PRR27: variants seen among roughly 807,000 people sequenced by gnomAD.
PRR27 encodes proline-rich protein 27.
In PRR27, 12 loss-of-function variants were observed where a neutral mutation model predicts 16.8. The observed-to-expected ratio is 0.71, with a 90% confidence interval of 0.46 to 1.16. The LOEUF (loss-of-function observed/expected upper bound fraction) is 1.16. PRR27 is among the 50% of genes most tolerant of loss of function. The pLI, the probability that PRR27 is intolerant of heterozygous loss-of-function variation, is 0.00. For synonymous variants in PRR27, 100 were observed against 98.4 expected (o/e 1.02, Z -0.10); for missense variants, 277 against 273.3 (o/e 1.01, Z -0.10).
rs768028029 is a variant in PRR27 at position 70,154,707 on chromosome 4, G to A, written c.51+281G>A. On this transcript the variant is annotated intron_variant, in intron 1 of 4. Coordinates refer to ENST00000344526, the MANE Select transcript of PRR27 (RefSeq NM_214711.4). Reference sequence around the variant, plus strand: ...AAATTATAGAAAAGCAGGATCCCACGTAGATTATCTTAACAGAGTTTATCT... The same window carrying A: ...AAATTATAGAAAAGCAGGATCCCACATAGATTATCTTAACAGAGTTTATCT... 3.7e-5 allele frequency: 50 copies of A among 1,352,584 alleles called. 1 individual carries two copies. The highest frequency in any genetic ancestry group is 8.6e-5 in the South Asian group (7 of 80,996). 83.8% of individuals were successfully genotyped at this position (1,352,584 alleles called of 1,614,324 possible). A position where few individuals can be genotyped will look rare whatever the true frequency, so the allele number is the denominator to read the frequency against.
intron 1 of PRR27, 116 bp from the exon 2 acceptor site, chr4:70,155,937 CA>C: frequency 1.9e-5 from 12 of 638,528 alleles, no homozygotes; most frequent in South Asian, 3.9e-5. Context: ...ACTCAAATTT[CA>C]AAAAAATTAA....
chr4:70,159,230 T>C (rs150517988), intron 3 of PRR27, among the ~76,000 whole-genome samples: 2,522 of 152,300 alleles, frequency 0.017, 61 homozygotes, highest in African/African-American at 0.05. Context: ...TTGCATTTTC[T>C]AGAATTTTAC....
chr4:70,155,726 C>T (rs1405464038), intron 1 of PRR27, among the ~76,000 whole-genome samples: 2 of 151,374 alleles, frequency 1.3e-5, no homozygotes, highest in Admixed American at 6.6e-5. Context: ...CCAGACAAAA[C>T]CTGGGAGGTA....
Position 70,158,914 on chromosome 4 carries a change from A to G in PRR27, c.648+14A>G, listed in dbSNP as rs371364254. The G allele has an allele frequency of 1.1e-5, 18 of 1,594,448 alleles. No homozygotes were observed. The highest frequency in any genetic ancestry group is 1.5e-5 in the Non-Finnish European group (17 of 1,167,194). On this transcript the variant is annotated intron_variant, in intron 3 of 4. Coordinates refer to ENST00000344526, the MANE Select transcript of PRR27 (RefSeq NM_214711.4). ...TCTCTTGAACAGGTAGGTTGTTTAT[A>G]TCTTACCACTATAATGTATGAGAAA...
intron 2 of PRR27, among the ~76,000 whole-genome samples, chr4:70,157,320 G>T (rs1272248645): frequency 1.3e-5 from 2 of 151,880 alleles, no homozygotes; most frequent in South Asian, 2.1e-4. Flanking sequence ...CACAGAGAAG[G>T]TACACATTTT....
Position 70,154,329 on chromosome 4 carries a change from T to C in PRR27, c.-47T>C. On this transcript the variant is annotated 5_prime_UTR_variant, in exon 1 of 5. Transcript: ENST00000344526. Reference sequence around the variant, plus strand: ...TAATTTAAAAATACATTGCGTATTTTCTAAAACAATAAATTTATAGTGTTA... The same window carrying C: ...TAATTTAAAAATACATTGCGTATTTCCTAAAACAATAAATTTATAGTGTTA... 2 of 1,435,032 alleles carry C rather than the reference T, an allele frequency of 1.4e-6. No individual in the cohort carries two copies. Among genetic ancestry groups the C allele is most frequent in the Non-Finnish European group, 2.0e-6 (2 of 1,025,456 alleles). The allele number at this position is 1,435,032 out of a possible 1,614,324, so 88.9% of individuals were successfully genotyped here.
Position 70,164,042 on chromosome 4 carries a change from C to T in PRR27, c.*1381C>T, listed in dbSNP as rs572749362. 2.0e-5 allele frequency: 3 copies of T among 152,250 alleles called. No individual in the cohort carries two copies. Among genetic ancestry groups the T allele is most frequent in the South Asian group, 2.1e-4 (1 of 4,826 alleles). The allele number at this position is 152,250 out of a possible 1,614,324, so 9.4% of individuals were successfully genotyped here. A position where few individuals can be genotyped will look rare whatever the true frequency, so the allele number is the denominator to read the frequency against. ...CCCTGAGCACTCTATCTAAATAAAT[C>T]CCTCTTCTGCAACCCAGTGCTTTTT... On this transcript the variant is annotated 3_prime_UTR_variant, in exon 5 of 5. Coordinates refer to ENST00000344526, the MANE Select transcript of PRR27 (RefSeq NM_214711.4).
In PRR27 at chr4:70,161,645, A is replaced by G. The variant is rs1364725233; in HGVS notation, c.*33+15A>G. 4 of 1,248,924 alleles carry G rather than the reference A, an allele frequency of 3.2e-6. No individual in the cohort carries two copies. The highest frequency in any genetic ancestry group is 4.5e-6 in the Non-Finnish European group (4 of 880,606). The allele number at this position is 1,248,924 out of a possible 1,614,324, so 77.4% of individuals were successfully genotyped here. ...GGTTCATTTCTGTAAGTCATATGTG[A>G]TAATATAATTTAGAAATTATAGATA... On this transcript the variant is annotated intron_variant, in intron 4 of 4. Transcript: ENST00000344526.
At chr4:70,158,012 T>A (rs1728529055) in intron 2 of PRR27, among the ~76,000 whole-genome samples, 2 of 152,140 alleles carry the variant, frequency 1.3e-5, no homozygotes, top group Non-Finnish European at 2.9e-5. Context: ...AATCTCATAA[T>A]CCTGTATCAA....
At chr4:70,160,443 C>CTCTCTCTCTGTGTGTGTGTGTGTGTGTG (rs1298386504) in intron 3 of PRR27, among the ~76,000 whole-genome samples, 2 of 68,704 alleles carry the variant, frequency 2.9e-5, no homozygotes, top group African/African-American at 9.8e-5. Flanking sequence ...CTCTCTCTCT[C>CTCTCTCTCTGTGTGTGTGTGTGTGTGTG]TGTGTGTGTG....
chr4:70,166,251 T>C lies in PRR27; in HGVS notation c.*3590T>C, dbSNP rs1728764367. The C allele has an allele frequency of 6.6e-6, 1 of 152,050 alleles. No homozygotes were observed. Among genetic ancestry groups the C allele is most frequent in the South Asian group, 2.1e-4 (1 of 4,834 alleles). The allele number at this position is 152,050 out of a possible 1,614,324, so 9.4% of individuals were successfully genotyped here. ...AAACTATATTTCCTACATTATGCTA[T>C]AGAACTTATAGACTAATTTAAGTTA... is the stretch of plus-strand genomic sequence containing the variant. On this transcript the variant is annotated 3_prime_UTR_variant, in exon 5 of 5. Coordinates refer to ENST00000344526, the MANE Select transcript of PRR27 (RefSeq NM_214711.4).
At chr4:70,158,954 G>A (rs1728568335) in intron 3 of PRR27, 54 bp downstream of exon 3, 6 of 1,424,444 alleles carry the variant, frequency 4.2e-6, no homozygotes, top group Non-Finnish European at 5.7e-6. Flanking sequence ...ATTTGTAGAA[G>A]GGGAAAAAAA....
At chr4:70,154,769 G>C (rs1214084826) in intron 1 of PRR27, 4 of 1,318,496 alleles carry the variant, frequency 3.0e-6, no homozygotes, top group Non-Finnish European at 4.0e-6. Context: ...GCTTCCTATG[G>C]CTGTGAAGTG....
At chr4:70,161,156 G>GTGTATATATATATA (rs1553902896) in intron 3 of PRR27, among the ~76,000 whole-genome samples, 1 of 93,922 alleles carries the variant, frequency 1.1e-5, no homozygotes, top group African/African-American at 4.8e-5. Context: ...TATGAACACT[G>GTGTATATATATATA]TATATATATA....
In PRR27 at chr4:70,165,752, T is replaced by G. The variant is rs889121538; in HGVS notation, c.*3091T>G. The stretch of plus-strand genomic sequence containing the variant: ...CTGGAAAATGATATAATGTCATTGC[T>G]TACAGAAGGTGACTGATTCTTATTC... On this transcript the variant is annotated 3_prime_UTR_variant, in exon 5 of 5. Transcript: ENST00000344526. 2 of 152,130 alleles carry G rather than the reference T, an allele frequency of 1.3e-5. No homozygotes were observed. Among genetic ancestry groups the G allele is most frequent in the Non-Finnish European group, 2.9e-5 (2 of 67,962 alleles). The allele number at this position is 152,130 out of a possible 1,614,324, so 9.4% of individuals were successfully genotyped here. A position where few individuals can be genotyped will look rare whatever the true frequency, so the allele number is the denominator to read the frequency against.
rs747712819 is a variant in PRR27, at chr4:70,155,043, G to T, written c.51+617G>T. On this transcript the variant is annotated intron_variant, in intron 1 of 4. Coordinates refer to ENST00000344526, the MANE Select transcript of PRR27 (RefSeq NM_214711.4). ...TAACATTGTTTTAAAGATTTTATAA[G>T]GTAATTATATAAAGTGCTTAGCAGA... Among the ~76,000 whole-genome samples, 3 of 152,002 alleles carry T rather than the reference G, an allele frequency of 2.0e-5. No individual in the cohort carries two copies. In the South Asian group the frequency reaches 6.2e-4, roughly 31 times the overall value.
At chr4:70,161,896 C>T (rs1728657074) in intron 4 of PRR27, among the ~76,000 whole-genome samples, 1 of 152,108 alleles carries the variant, frequency 6.6e-6, no homozygotes, top group African/African-American at 2.4e-5. Flanking sequence ...TTTAAATTAA[C>T]AGTAGTTAAT....
At chr4:70,160,848 A>G (rs1305171107) in intron 3 of PRR27, among the ~76,000 whole-genome samples, 1 of 152,092 alleles carries the variant, frequency 6.6e-6, no homozygotes, top group Non-Finnish European at 1.5e-5. Context: ...TGAACTACAT[A>G]GAAGATACTC....
chr4:70,160,260 G>C (rs1728610026), intron 3 of PRR27, among the ~76,000 whole-genome samples: 1 of 152,026 alleles, frequency 6.6e-6, no homozygotes, highest in Admixed American at 6.6e-5. Context: ...TCAATGCTTA[G>C]CTCCCATTTA....
Sources: allele counts gnomAD v4.1 joint callset (sites outside exome capture counted in the v4.1 genomes callset), GRCh38; gene constraint gnomAD v4.1.1; transcripts MANE v1.5; gene names NCBI Gene and HGNC (gene_info 2026-07-23, HGNC 2026-07-21).